The following SLC12A6 variants were observed in gnomAD, a reference collection of about 807,000 sequenced individuals.
The protein encoded by SLC12A6 is solute carrier family 12 member 6, also known as K-Cl cotransporter 3.
A neutral mutation model predicts 135.3 loss-of-function variants in SLC12A6; 66 were observed. That is an observed-to-expected ratio of 0.49 (90% confidence interval 0.40 to 0.60). The LOEUF (loss-of-function observed/expected upper bound fraction) is 0.60. Among genes scored for constraint, SLC12A6 ranks in the 20% least tolerant of loss-of-function variants. The pLI is 0.00. For missense variants in SLC12A6, 1,058 were observed against 1,452.3 expected, an observed-to-expected ratio of 0.73 and a Z score of 4.41; for synonymous variants, 513 against 508.8, an observed-to-expected ratio of 1.01 and a Z score of -0.11.
chr15:34,318,004 G>C (rs768920644), intron 2 of SLC12A6, among the ~76,000 whole-genome samples: 1 of 152,000 alleles, frequency 6.6e-6, no homozygotes, highest in Admixed American at 6.6e-5. Context: ...ACCATCTCTT[G>C]TACTTTTGTT....
rs1250080683 is a variant in SLC12A6, at chr15:34,231,666, T to G, written c.*2215A>C. 1 of 151,300 alleles carries G rather than the reference T, an allele frequency of 6.6e-6. No homozygotes were observed. Among genetic ancestry groups the G allele is most frequent in the Non-Finnish European group, 1.5e-5 (1 of 67,874 alleles). 9.4% of individuals were successfully genotyped at this position (151,300 alleles called of 1,614,324 possible). ...GTGCAGTGGTGCAATCTCGGTTCACTGCAAGTTCCACCTCCCGGGTTCACG... is the reference window on the plus strand; with the variant it reads ...GTGCAGTGGTGCAATCTCGGTTCACGGCAAGTTCCACCTCCCGGGTTCACG... On this transcript the variant is annotated 3_prime_UTR_variant, in exon 26 of 26. Coordinates refer to ENST00000354181, the MANE Select transcript of SLC12A6 (RefSeq NM_001365088.1).
chr15:34,304,956 T>C (rs1052445187), intron 2 of SLC12A6, among the ~76,000 whole-genome samples: 5 of 152,234 alleles, frequency 3.3e-5, no homozygotes, highest in Non-Finnish European at 5.9e-5. Flanking sequence ...GTGGGTATTA[T>C]ATCCTTGAAA....
intron 3 of SLC12A6, among the ~76,000 whole-genome samples, chr15:34,271,449 G>A (rs1893936397): frequency 6.6e-6 from 1 of 151,676 alleles, no homozygotes; most frequent in African/African-American, 2.4e-5. Context: ...CAAAACTGAG[G>A]TAGTAGTTAC....
rs537955160 is a variant in SLC12A6 at position 34,262,522 on chromosome 15, G to A, written c.317-1502C>T. Among the ~76,000 whole-genome samples the A allele has an allele frequency of 6.6e-5, 10 of 152,228 alleles. No individual in the cohort carries two copies. The South Asian group carries it at 1.9e-3, about 28-fold the overall frequency. On this transcript the variant is annotated intron_variant, in intron 3 of 25. Transcript: ENST00000354181. The stretch of plus-strand genomic sequence containing the variant: ...AGGCTGTAATACTGTGGCCCTCCAC[G>A]CTCTGCCAGTGGAGGGCAGCTACCC...
intron 21 of SLC12A6, 103 bp from the exon 22 acceptor site, chr15:34,237,653 T>C: frequency 2.1e-6 from 2 of 936,690 alleles, no homozygotes; most frequent in Admixed American, 1.8e-5. Flanking sequence ...TTGCTATATG[T>C]AGTATAAGGC....
chr15:34,334,351 T>C (rs909727052), intron 2 of SLC12A6, among the ~76,000 whole-genome samples: 4 of 152,210 alleles, frequency 2.6e-5, no homozygotes, highest in Admixed American at 6.5e-5. Context: ...GCAGTTGTTA[T>C]CTATATTAAA....
chr15:34,238,753 A>G lies in SLC12A6; in HGVS notation c.2632+212T>C. ...GGCAATTTTGGAGATAATTCCTAGC[A>G]CAAGACTTGACAGAAATAATTCATG... On this transcript the variant is annotated intron_variant, in intron 20 of 25. Transcript: ENST00000354181. The G allele has an allele frequency of 6.2e-6, 4 of 642,042 alleles. No individual in the cohort carries two copies. In the South Asian group the frequency reaches 7.2e-5, roughly 12 times the overall value. The allele number at this position is 642,042 out of a possible 1,614,324, so 39.8% of individuals were successfully genotyped here.
chr15:34,257,793 A>G lies in SLC12A6; in HGVS notation c.544-5T>C. 1.3e-6 allele frequency: 2 copies of G among 1,592,062 alleles called. No individual in the cohort carries two copies. Among genetic ancestry groups the G allele is most frequent in the Non-Finnish European group, 1.7e-6 (2 of 1,160,636 alleles). The stretch of plus-strand genomic sequence containing the variant: ...GAAGGTACCCATTTGGGGGGTCTAG[A>G]AAGAAAGACATTGATAAAAAATCAC... On this transcript the variant is annotated splice_polypyrimidine_tract_variant and splice_region_variant and intron_variant, in intron 5 of 25. Transcript: ENST00000354181.
At chr15:34,241,859 A>G (rs1476552779) in intron 17 of SLC12A6, among the ~76,000 whole-genome samples, 1 of 152,222 alleles carries the variant, frequency 6.6e-6, no homozygotes, top group Non-Finnish European at 1.5e-5. Flanking sequence ...TTTGTTTAGT[A>G]CTAATTATTA....
intron 16 of SLC12A6, among the ~76,000 whole-genome samples, chr15:34,242,585 T>A (rs1259518091): frequency 6.6e-6 from 1 of 152,198 alleles, no homozygotes; most frequent in Non-Finnish European, 1.5e-5. Flanking sequence ...CATCTGCAGT[T>A]ATGAGGACAA....
intron 2 of SLC12A6, among the ~76,000 whole-genome samples, chr15:34,290,465 G>C (rs900002417): frequency 1.3e-5 from 2 of 152,184 alleles, no homozygotes; most frequent in Admixed American, 1.3e-4. Context: ...GTTGATTTGG[G>C]GTGGAGAGTT....
At position 34,256,230 on chromosome 15, in the gene SLC12A6, TG is replaced by T; in HGVS notation, c.743del (p.Pro248GlnfsTer8). The T allele has an allele frequency of 1.3e-6, 2 of 1,592,158 alleles. No individual in the cohort carries two copies. Among genetic ancestry groups the T allele is most frequent in the South Asian group, 1.1e-5 (1 of 90,656 alleles). ...GAAATACAACCTTGACCTACTAACC[TG>T]GCACCACTCCATTAGTGGCAATGGC... ...MSAIATNGVV[P>X]AGGSYFMISR... On this transcript the variant is annotated frameshift_variant and splice_region_variant, in exon 7 of 26. Coordinates refer to ENST00000354181, the MANE Select transcript of SLC12A6 (RefSeq NM_001365088.1). LOFTEE classifies it high-confidence loss of function.
At position 34,336,578 on chromosome 15, in the gene SLC12A6, G is replaced by C. The variant is rs1454226326; in HGVS notation, c.103C>G (p.Leu35Val). ...ACTCGGGAACTAGATCGAGAGCTGA[G>C]GTCCGGACTGGTGTCTGACAAACCT... The part of the protein sequence containing the change: ...IPGLSDTSPD[L>V]SSRSSSRVRF... Residue 35 changes from leucine (L) to valine (V), a missense_variant, in exon 2 of 26, where the codon CTC becomes GTC. Coordinates refer to ENST00000354181, the MANE Select transcript of SLC12A6 (RefSeq NM_001365088.1). 1.2e-6 allele frequency: 2 copies of C among 1,613,854 alleles called. No individual in the cohort carries two copies. Among genetic ancestry groups the C allele is most frequent in the Non-Finnish European group, 1.7e-6 (2 of 1,179,838 alleles).
At chr15:34,238,777 T>G (rs558051792) in intron 20 of SLC12A6, 188 bp downstream of exon 20, 1 of 685,712 alleles carries the variant, frequency 1.5e-6, no homozygotes, top group African/African-American at 1.8e-5. Flanking sequence ...AAATAATTCA[T>G]GAACATAATG....
chr15:34,292,458 TGAG>T (rs1895603589), intron 2 of SLC12A6, among the ~76,000 whole-genome samples: 1 of 152,150 alleles, frequency 6.6e-6, no homozygotes, highest in Admixed American at 6.5e-5. Flanking sequence ...GGGAACCACT[TGAG>T]GAGGCAGTGT....
chr15:34,252,239 C>T lies in SLC12A6; in HGVS notation c.1264G>A (p.Glu422Lys). ...SSQFFNATCD[E>K]YFVHNNVTSI... Reference sequence around the variant, plus strand: ...GTGACGTTATTGTGAACAAAGTATTCATCACAGGTGGCATTGAAAAATTGA... The same window carrying T: ...GTGACGTTATTGTGAACAAAGTATTTATCACAGGTGGCATTGAAAAATTGA... The change falls in exon 10 of 26, where the codon GAA (glutamate) becomes AAA (lysine). Residue 422 changes from glutamate (E) to lysine (K), a missense_variant. Glu to Lys is a moderately conservative substitution (Grantham distance 56). This residue lies in a region of SLC12A6 where 297 missense variants were observed against 318.5 expected (regional missense o/e 0.93). Coordinates refer to ENST00000354181, the MANE Select transcript of SLC12A6 (RefSeq NM_001365088.1). 6.2e-7 allele frequency: 1 copy of T among 1,608,176 alleles called. No homozygotes were observed. The highest frequency in any genetic ancestry group is 8.5e-7 in the Non-Finnish European group (1 of 1,174,656).
At position 34,309,284 on chromosome 15, in the gene SLC12A6, C is replaced by G. The variant is rs540283363; in HGVS notation, c.271+27126G>C. Among the ~76,000 whole-genome samples, 4 of 152,238 alleles carry G rather than the reference C, an allele frequency of 2.6e-5. No individual in the cohort carries two copies. In the South Asian group the frequency reaches 6.2e-4, roughly 24 times the overall value. The stretch of plus-strand genomic sequence containing the variant: ...ACCTATGCCATATGTCTAAATTCAG[C>G]CCGAAATTTAAAAATCTTTTGAATA... On this transcript the variant is annotated intron_variant, in intron 2 of 25. Transcript: ENST00000354181.
chr15:34,245,391 T>C lies in SLC12A6; in HGVS notation c.1837A>G (p.Ser613Gly). Residue 613 changes from serine (S) to glycine (G), a missense_variant, in exon 15 of 26, where the codon AGC becomes GGC. Ser to Gly is a moderately conservative substitution (Grantham distance 56). Coordinates refer to ENST00000354181, the MANE Select transcript of SLC12A6 (RefSeq NM_001365088.1). ...CAGGTAGGTTCCCCATTGGCTTTGC[T>C]GTGGCCAAAAACCTGTACACAGAAG... is the stretch of plus-strand genomic sequence containing the variant. The part of the protein sequence containing the change: ...IIPFLRVFGH[S>G]KANGEPTWAL... 1 of 1,603,550 alleles carries C rather than the reference T, an allele frequency of 6.2e-7. No homozygotes were observed. Among genetic ancestry groups the C allele is most frequent in the Non-Finnish European group, 8.5e-7 (1 of 1,170,302 alleles).
intron 2 of SLC12A6, among the ~76,000 whole-genome samples, chr15:34,330,788 G>T (rs752570489): frequency 3.3e-5 from 5 of 152,134 alleles, no homozygotes; most frequent in Non-Finnish European, 1.5e-5. Context: ...GTAAAACATG[G>T]ATAGTATTCA....
Sources: gnomAD v4.1 joint callset for allele counts (sites outside exome capture counted in the v4.1 genomes callset) on GRCh38, gnomAD v4.1.1 for gene constraint, gnomAD v4.1.1 regional missense constraint, MANE v1.5 for transcripts, NCBI Gene and HGNC (gene_info 2026-07-23, HGNC 2026-07-21) for gene names.